DAP: variants seen among roughly 807,000 people sequenced by gnomAD.
DAP encodes death associated protein.
In DAP, 8 loss-of-function variants were observed where a neutral mutation model predicts 13.8. That is an observed-to-expected ratio of 0.58 (90% CI 0.34 to 1.05). The LOEUF is 1.05. Among genes scored for constraint, DAP ranks in the 50% least tolerant of loss-of-function variants. The pLI is 0.03. For synonymous variants in DAP, 47 were observed against 47.5 expected (o/e 0.99, Z 0.04); for missense variants, 106 against 133.2 (o/e 0.80, Z 1.01).
At chr5:10,751,954 T>C (rs1740057098) in intron 1 of DAP, among the ~76,000 whole-genome samples, 1 of 152,356 alleles carries the variant, frequency 6.6e-6, no homozygotes, top group Non-Finnish European at 1.5e-5. Context: ...ACAATACAGA[T>C]GCCCATTTAA....
chr5:10,750,757 G>A (rs1461659043), intron 1 of DAP, among the ~76,000 whole-genome samples: 1 of 151,892 alleles, frequency 6.6e-6, no homozygotes, highest in Admixed American at 6.6e-5. Flanking sequence ...GTCTGTTTTT[G>A]CCTGTGGATT....
chr5:10,681,048 C>T lies in DAP; in HGVS notation c.*8G>A. 1 of 1,585,990 alleles carries T rather than the reference C, an allele frequency of 6.3e-7. No individual in the cohort carries two copies. Among genetic ancestry groups the T allele is most frequent in the Non-Finnish European group, 8.6e-7 (1 of 1,165,078 alleles). ...CGGGGCCATGGGGCAGGCTGGTGGA[C>T]TCCAGGCTCACTTGCGTGGCTGCTG... On this transcript the variant is annotated 3_prime_UTR_variant, in exon 4 of 4. Coordinates refer to ENST00000230895, the MANE Select transcript of DAP (RefSeq NM_004394.3).
chr5:10,723,926 C>T (rs529390620), intron 2 of DAP, among the ~76,000 whole-genome samples: 31 of 152,244 alleles, frequency 2.0e-4, no homozygotes, highest in Admixed American at 1.1e-3. Flanking sequence ...AGTGTACTTG[C>T]GGGTGTCTAT....
At chr5:10,724,613 T>G (rs894580070) in intron 2 of DAP, among the ~76,000 whole-genome samples, 1 of 152,216 alleles carries the variant, frequency 6.6e-6, no homozygotes, top group African/African-American at 2.4e-5. Context: ...CTGGCTCTTG[T>G]GGACTATGTG....
intron 2 of DAP, among the ~76,000 whole-genome samples, chr5:10,715,180 A>G (rs1006646649): frequency 1.1e-4 from 16 of 152,066 alleles, no homozygotes; most frequent in African/African-American, 3.9e-4. Flanking sequence ...TTTGGAGGAG[A>G]GGAGGAGGCC....
At chr5:10,716,524 G>T (rs944718445) in intron 2 of DAP, among the ~76,000 whole-genome samples, 11 of 152,080 alleles carry the variant, frequency 7.2e-5, no homozygotes, top group Non-Finnish European at 1.3e-4. Context: ...ACCCTTAATT[G>T]GGTGGGCACC....
At chr5:10,742,744 G>A (rs1739792002) in intron 2 of DAP, among the ~76,000 whole-genome samples, 1 of 152,080 alleles carries the variant, frequency 6.6e-6, no homozygotes, top group Admixed American at 6.5e-5. Flanking sequence ...AAGGAACCGT[G>A]GTTCCTCTGA....
intron 2 of DAP, among the ~76,000 whole-genome samples, chr5:10,691,647 T>C (rs746169157): frequency 2.6e-5 from 4 of 152,226 alleles, no homozygotes; most frequent in Non-Finnish European, 4.4e-5. Flanking sequence ...AACATTATTT[T>C]CTCTCAGGAA....
chr5:10,704,961 C>T (rs971415990), intron 2 of DAP, among the ~76,000 whole-genome samples: 4 of 152,302 alleles, frequency 2.6e-5, no homozygotes, highest in East Asian at 1.9e-4. Context: ...CTACACCTGT[C>T]GGATGCACAA....
In DAP at chr5:10,683,442, T is replaced by C. The variant is rs546056887; in HGVS notation, c.195+87A>G. ...AGCAGTGGTGCTGGGTTATTCCAGG[T>C]AGAGTTTAACAAAACCAGAAGCAAC... On this transcript the variant is annotated intron_variant, in intron 3 of 3. Coordinates refer to ENST00000230895, the MANE Select transcript of DAP (RefSeq NM_004394.3). 2.8e-5 allele frequency: 35 copies of C among 1,245,736 alleles called. No homozygotes were observed. The African/African-American group carries it at 4.2e-4, about 15-fold the overall frequency. 77.2% of individuals were successfully genotyped at this position (1,245,736 alleles called of 1,614,324 possible).
intron 1 of DAP, among the ~76,000 whole-genome samples, chr5:10,753,232 G>A (rs1561036405): frequency 6.6e-6 from 1 of 152,210 alleles, no homozygotes; most frequent in Non-Finnish European, 1.5e-5. Context: ...AGTAGATCCT[G>A]AGGCAGGGAG....
chr5:10,736,004 G>A (rs1220035850), intron 2 of DAP, among the ~76,000 whole-genome samples: 1 of 152,196 alleles, frequency 6.6e-6, no homozygotes, highest in Non-Finnish European at 1.5e-5. Context: ...GAGAAGGGTA[G>A]GCCCCTAATG....
chr5:10,749,580 G>A (rs1274482285), intron 1 of DAP, among the ~76,000 whole-genome samples: 1 of 152,068 alleles, frequency 6.6e-6, no homozygotes, highest in Non-Finnish European at 1.5e-5. Flanking sequence ...GTAAGGGGTC[G>A]GGTAATCTAG....
intron 2 of DAP, among the ~76,000 whole-genome samples, chr5:10,742,924 A>ACCATCCATCCATCCATCCATCCATCCAT (rs369437281): frequency 3.0e-5 from 4 of 134,188 alleles, no homozygotes; most frequent in African/African-American, 1.1e-4. Context: ...GTTTGTATCT[A>ACCATCCATCCATCCATCCATCCATCCAT]CCATCCATCC....
intron 2 of DAP, among the ~76,000 whole-genome samples, chr5:10,703,187 A>C (rs1051629162): frequency 6.6e-6 from 1 of 152,238 alleles, no homozygotes; most frequent in South Asian, 2.1e-4. Context: ...CATCTTACAA[A>C]GCAGGGGTGC....
In DAP at chr5:10,681,181, C is replaced by A. The variant is rs945130953; in HGVS notation, c.196-12G>T. ...AAATCTTTGTCACCCTGTCAGGAAACACGGAAAGCTCAGGTTAATCAATAG... is the reference window on the plus strand; with the variant it reads ...AAATCTTTGTCACCCTGTCAGGAAAAACGGAAAGCTCAGGTTAATCAATAG... On this transcript the variant is annotated splice_polypyrimidine_tract_variant and intron_variant, in intron 3 of 3. Transcript: ENST00000230895. The A allele has an allele frequency of 4.0e-6, 6 of 1,484,936 alleles. No homozygotes were observed. In the South Asian group the frequency reaches 7.1e-5, roughly 18 times the overall value. The allele number at this position is 1,484,936 out of a possible 1,614,324, so 92.0% of individuals were successfully genotyped here.
chr5:10,720,133 C>T (rs956268715), intron 2 of DAP, among the ~76,000 whole-genome samples: 5 of 152,174 alleles, frequency 3.3e-5, no homozygotes, highest in East Asian at 1.9e-4. Flanking sequence ...TTGTGAGAAG[C>T]AAGTTTATTG....
chr5:10,703,840 C>T (rs920466692), intron 2 of DAP, among the ~76,000 whole-genome samples: 4 of 152,218 alleles, frequency 2.6e-5, no homozygotes, highest in African/African-American at 4.8e-5. Flanking sequence ...CAGCGCAGGG[C>T]GTGGCTGTGG....
intron 2 of DAP, among the ~76,000 whole-genome samples, chr5:10,701,883 C>T (rs1456015238): frequency 2.0e-5 from 3 of 152,162 alleles, no homozygotes; most frequent in South Asian, 2.1e-4. Flanking sequence ...TCAACTTTTC[C>T]GGGACACTTA....
Sources: allele counts gnomAD v4.1 joint callset (sites outside exome capture counted in the v4.1 genomes callset), GRCh38; gene constraint gnomAD v4.1.1; transcripts MANE v1.5; gene names NCBI Gene and HGNC (gene_info 2026-07-23, HGNC 2026-07-21).